The following NF1 variants were observed in gnomAD, a reference collection of about 807,000 sequenced individuals.
The protein encoded by NF1 is neurofibromin 1, also known as neurofibromin.
Under a neutral mutation model 325.7 loss-of-function variants are expected in NF1, and 122 were observed. That is an observed-to-expected ratio of 0.37 (90% CI 0.32 to 0.44). The LOEUF (loss-of-function observed/expected upper bound fraction) is 0.44, where lower values mean the gene tolerates loss of function less well. Ranked by LOEUF, NF1 falls within the 20% of genes least tolerant of loss-of-function variation. The pLI, the probability that NF1 is intolerant of heterozygous loss-of-function variation, is 1.00. For missense variants in NF1, 2,140 were observed against 3,415.4 expected (o/e 0.63, Z 9.31); for synonymous variants, 1,091 against 1,186.0 (o/e 0.92, Z 1.65).
intron 49 of NF1, among the ~76,000 whole-genome samples, chr17:31,349,850 C>T (rs2070095567): frequency 6.6e-6 from 1 of 152,202 alleles, no homozygotes; most frequent in South Asian, 2.1e-4. Context: ...TGCTGATTCT[C>T]AGTTTCACAG....
At chr17:31,372,207 G>A (rs2151599401) in intron 57 of NF1, among the ~76,000 whole-genome samples, 1 of 152,130 alleles carries the variant, frequency 6.6e-6, no homozygotes, top group South Asian at 2.1e-4. Flanking sequence ...TAGTCCTTTG[G>A]CTTCTGACAG....
At chr17:31,226,111 G>A (rs887323450) in intron 17 of NF1, among the ~76,000 whole-genome samples, 4 of 151,906 alleles carry the variant, frequency 2.6e-5, no homozygotes, top group Non-Finnish European at 4.4e-5. Context: ...GTAGATTTAC[G>A]TTATGGTGTT....
chr17:31,224,833 G>A (rs2066984975), intron 16 of NF1, among the ~76,000 whole-genome samples: 1 of 152,152 alleles, frequency 6.6e-6, no homozygotes, highest in Non-Finnish European at 1.5e-5. Context: ...TTTTACTCAT[G>A]TTTATGTCAG....
At chr17:31,281,893 C>CA (rs1056148571) in intron 36 of NF1, among the ~76,000 whole-genome samples, 7 of 151,208 alleles carry the variant, frequency 4.6e-5, no homozygotes, top group African/African-American at 9.7e-5. Context: ...CCTGCCTCTA[C>CA]AAAAAAAATT....
intron 1 of NF1, among the ~76,000 whole-genome samples, chr17:31,149,335 C>T (rs1396650288): frequency 6.6e-6 from 1 of 152,010 alleles, no homozygotes; most frequent in Non-Finnish European, 1.5e-5. Context: ...CAGAGTCTTG[C>T]TCTGTTGCCC....
chr17:31,238,548 C>T (rs1189865864), intron 29 of NF1, among the ~76,000 whole-genome samples: 1 of 152,088 alleles, frequency 6.6e-6, no homozygotes, highest in Non-Finnish European at 1.5e-5. Context: ...TACTGTCTAA[C>T]ATGGTGAAAC....
At chr17:31,291,664 T>C (rs2068345521) in intron 36 of NF1, among the ~76,000 whole-genome samples, 1 of 152,232 alleles carries the variant, frequency 6.6e-6, no homozygotes, top group Non-Finnish European at 1.5e-5. Flanking sequence ...ACATTTTTGG[T>C]ATTAAAGGAA....
rs758660574 is a variant in NF1, at chr17:31,334,686, C to G, written c.5813-152C>G. 83 of 660,016 alleles carry G rather than the reference C, an allele frequency of 1.3e-4. No homozygotes were observed. The African/African-American group carries it at 1.4e-3, about 11-fold the overall frequency. The allele number at this position is 660,016 out of a possible 1,614,324, so 40.9% of individuals were successfully genotyped here. ...AAGGACTGTTCTTTCTTCGCCTCTA[C>G]AAAAATATATTTGCCAAGTGTCTTT... On this transcript the variant is annotated intron_variant, in intron 39 of 57. Coordinates refer to ENST00000358273, the MANE Select transcript of NF1 (RefSeq NM_001042492.3).
intron 1 of NF1, among the ~76,000 whole-genome samples, chr17:31,131,278 C>T (rs909562289): frequency 2.0e-5 from 3 of 152,196 alleles, no homozygotes; most frequent in Admixed American, 6.5e-5. Context: ...GCTCAAGTGT[C>T]CTTGGTGGTT....
At chr17:31,278,116 T>C (rs1340775985) in intron 36 of NF1, 1 of 152,208 alleles carries the variant, frequency 6.6e-6, no homozygotes, top group East Asian at 1.9e-4. Context: ...AGACCTTGTC[T>C]CTAAAAAACA....
intron 36 of NF1, among the ~76,000 whole-genome samples, chr17:31,301,485 T>C (rs2068572551): frequency 6.6e-6 from 1 of 152,188 alleles, no homozygotes; most frequent in Admixed American, 6.5e-5. Flanking sequence ...CACAGTGTTT[T>C]AGTTATAGGT....
At chr17:31,227,442 CAA>C in intron 19 of NF1, 79 bp from the exon 20 acceptor site, 11 of 1,492,628 alleles carry the variant, frequency 7.4e-6, no homozygotes, top group Non-Finnish European at 1.0e-5. Flanking sequence ...TAATATACAT[CAA>C]GTTTGAAACT....
At position 31,156,020 on chromosome 17, in the gene NF1, A is replaced by G. The variant is rs1555604887; in HGVS notation, c.98A>G (p.Lys33Arg). 3 of 1,613,598 alleles carry G rather than the reference A, an allele frequency of 1.9e-6. No individual in the cohort carries two copies. Among genetic ancestry groups the G allele is most frequent in the African/African-American group, 2.7e-5 (2 of 74,884 alleles). ...IKTGQQNTHT[K>R]VSTEHNKECL... ...ACAGGACAGCAGAACACACATACCAAAGTCAGTACTGAGCACAACAAGGAA... is the reference window on the plus strand; with the variant it reads ...ACAGGACAGCAGAACACACATACCAGAGTCAGTACTGAGCACAACAAGGAA... Residue 33 changes from lysine to arginine, a missense_variant, in exon 2 of 58, where the codon AAA (lysine) becomes AGA (arginine). By Grantham distance (26) the Lys-to-Arg change is conservative. Around this residue, in one of 10 missense-constraint regions of NF1, gnomAD observed 246 missense variants for 347.8 expected, o/e 0.71. Transcript: ENST00000358273.
At chr17:31,186,585 A>G (rs1310332061) in intron 8 of NF1, among the ~76,000 whole-genome samples, 2 of 152,216 alleles carry the variant, frequency 1.3e-5, no homozygotes, top group East Asian at 3.8e-4. Flanking sequence ...AAGAGATTTG[A>G]GGAAGAGGTA....
intron 16 of NF1, among the ~76,000 whole-genome samples, chr17:31,224,676 G>A (rs1597709913): frequency 6.6e-6 from 1 of 152,138 alleles, no homozygotes; most frequent in Non-Finnish European, 1.5e-5. Context: ...ATACATACCA[G>A]AGTTAATTAC....
Position 31,304,662 on chromosome 17 carries a change from T to G in NF1, c.4836-21158T>G. ...TTGAACCATCAGCACTATCTTCTGATGTACCATTTACTTGATCTTTTATTT... is the reference window on the plus strand; with the variant it reads ...TTGAACCATCAGCACTATCTTCTGAGGTACCATTTACTTGATCTTTTATTT... On this transcript the variant is annotated intron_variant, in intron 36 of 57. Transcript: ENST00000358273. The G allele has an allele frequency of 6.2e-7, 1 of 1,614,208 alleles. No individual in the cohort carries two copies. Among genetic ancestry groups the G allele is most frequent in the Non-Finnish European group, 8.5e-7 (1 of 1,180,026 alleles).
intron 36 of NF1, among the ~76,000 whole-genome samples, chr17:31,317,368 AACACACACACACACACACAC>A (rs3138611): frequency 6.9e-6 from 1 of 144,562 alleles, no homozygotes; most frequent in Non-Finnish European, 1.5e-5. Context: ...TCCAGATTTG[AACACACACACACACACACAC>A]ACACACACAC....
intron 39 of NF1, chr17:31,331,393 C>A (rs1359079273): frequency 2.6e-5 from 4 of 152,090 alleles, no homozygotes; most frequent in African/African-American, 9.7e-5. Flanking sequence ...ATCAAAATAA[C>A]CATGGGATTT....
chr17:31,337,489 G>A lies in NF1; in HGVS notation c.6549G>A (p.Arg2183=), dbSNP rs1028183407. 4 of 1,613,954 alleles carry A rather than the reference G, an allele frequency of 2.5e-6. No individual in the cohort carries two copies. In the African/African-American group the frequency reaches 4.0e-5, roughly 16 times the overall value. Reference sequence around the variant, plus strand: ...TCATTGCCTTCCGTTCCAGTTACCGGGACAGGTCATTCTCTCCTGGCTCCT... The same window carrying A: ...TCATTGCCTTCCGTTCCAGTTACCGAGACAGGTCATTCTCTCCTGGCTCCT... ...AAVIAFRSSY[R]DRSFSPGSYE... is the part of the protein sequence containing the mutation. The change falls in exon 43 of 58, where the codon CGG becomes CGA. Residue 2183 remains arginine (R), a synonymous_variant. Coordinates refer to ENST00000358273, the MANE Select transcript of NF1 (RefSeq NM_001042492.3).
Sources: gnomAD v4.1 joint callset for allele counts (sites outside exome capture counted in the v4.1 genomes callset) on GRCh38, gnomAD v4.1.1 for gene constraint, gnomAD v4.1.1 regional missense constraint, MANE v1.5 for transcripts, NCBI Gene and HGNC (gene_info 2026-07-23, HGNC 2026-07-21) for gene names.